Variants in RGS7 observed in about 807,000 individuals in gnomAD.
The protein encoded by RGS7 is regulator of G-protein signaling 7.
RGS7 carries 27 observed loss-of-function variants against 81.1 expected under a neutral mutation model. The observed-to-expected ratio is 0.33, with a 90% CI of 0.25 to 0.46. The LOEUF (loss-of-function observed/expected upper bound fraction) is 0.46. Ranked by LOEUF, RGS7 falls within the 20% of genes least tolerant of loss-of-function variation. The pLI is 1.00. For synonymous variants in RGS7, 208 were observed against 207.7 expected (o/e 1.00, Z -0.01); for missense variants, 396 against 607.4 (o/e 0.65, Z 3.66).
chr1:241,277,184 C>T (rs2078238186), intron 2 of RGS7, among the ~76,000 whole-genome samples: 2 of 152,230 alleles, frequency 1.3e-5, no homozygotes, highest in Admixed American at 1.3e-4. Flanking sequence ...ACATAATTCT[C>T]TTGAAAGACC....
At chr1:241,103,891 A>T (rs2064936302) in intron 2 of RGS7, among the ~76,000 whole-genome samples, 1 of 152,168 alleles carries the variant, frequency 6.6e-6, no homozygotes, top group Non-Finnish European at 1.5e-5. Flanking sequence ...AATAAAATAA[A>T]ATAATCAAAC....
chr1:241,325,264 G>A (rs1220824332), intron 2 of RGS7, among the ~76,000 whole-genome samples: 1 of 152,126 alleles, frequency 6.6e-6, no homozygotes, highest in African/African-American at 2.4e-5. Context: ...TAGATATAAG[G>A]GGGAGGCACT....
At chr1:241,343,909 T>C (rs2082724637) in intron 2 of RGS7, among the ~76,000 whole-genome samples, 1 of 152,164 alleles carries the variant, frequency 6.6e-6, no homozygotes, top group South Asian at 2.1e-4. Context: ...AAAGAAGACT[T>C]CTTTGTGTAA....
chr1:240,825,812 C>A (rs116064610), intron 10 of RGS7, among the ~76,000 whole-genome samples: 2,450 of 152,170 alleles, frequency 0.016, 52 homozygotes, highest in African/African-American at 0.055. Context: ...GAATATGGTG[C>A]CGAAGAGAGA....
intron 6 of RGS7, among the ~76,000 whole-genome samples, chr1:240,876,385 T>G (rs925004924): frequency 6.6e-6 from 1 of 152,152 alleles, no homozygotes; most frequent in African/African-American, 2.4e-5. Context: ...TGCCTTGCCC[T>G]TAGACCCTTG....
At chr1:241,248,057 C>T (rs1573341095) in intron 2 of RGS7, among the ~76,000 whole-genome samples, 1 of 152,120 alleles carries the variant, frequency 6.6e-6, no homozygotes, top group South Asian at 2.1e-4. Flanking sequence ...GAAGGTATAT[C>T]TTTCTCCCTT....
chr1:241,295,463 G>GA (rs147054088), intron 2 of RGS7, among the ~76,000 whole-genome samples: 51,458 of 148,138 alleles, frequency 0.35, 9,382 homozygotes, highest in Non-Finnish European at 0.41. Context: ...AAAAAAAGAA[G>GA]AAAAAAAAAA....
chr1:241,073,177 A>C (rs1380332056), intron 3 of RGS7, among the ~76,000 whole-genome samples: 1 of 152,168 alleles, frequency 6.6e-6, no homozygotes, highest in Non-Finnish European at 1.5e-5. Context: ...TTTATTCCAA[A>C]AAAAACCCCA....
chr1:241,152,199 C>T (rs1039930168), intron 2 of RGS7, among the ~76,000 whole-genome samples: 3 of 150,222 alleles, frequency 2.0e-5, no homozygotes, highest in East Asian at 3.9e-4. Context: ...GGGGGAATAA[C>T]GACCTAAAGA....
Position 240,814,772 on chromosome 1 carries a change from T to G in RGS7, c.789A>C (p.Lys263Asn). 6.3e-7 allele frequency: 1 copy of G among 1,588,466 alleles called. No homozygotes were observed. The highest frequency in any genetic ancestry group is 8.6e-7 in the Non-Finnish European group (1 of 1,157,128). The change falls in exon 12 of 19, where the codon AAA becomes AAC. Residue 263 changes from lysine (K) to asparagine (N), a missense_variant. Coordinates refer to ENST00000440928, the MANE Select transcript of RGS7 (RefSeq NM_001364886.1). Reference sequence around the variant, plus strand: ...GTCTATCTAACTGTATTTGCCAATATTTTATCTGAAAAGAGGGTTAGAGAA... The same window carrying G: ...GTCTATCTAACTGTATTTGCCAATAGTTTATCTGAAAAGAGGGTTAGAGAA... The part of the protein sequence containing the change: ...PTEDELQQQI[K>N]YWQIQLDRHR...
chr1:241,150,681 A>T (rs1332263008), intron 2 of RGS7, among the ~76,000 whole-genome samples: 2 of 152,224 alleles, frequency 1.3e-5, no homozygotes, highest in African/African-American at 4.8e-5. Context: ...AAAGAGACTG[A>T]ATCAATAGAA....
At chr1:241,075,263 T>C (rs2062722343) in intron 3 of RGS7, among the ~76,000 whole-genome samples, 1 of 152,212 alleles carries the variant, frequency 6.6e-6, no homozygotes, top group Non-Finnish European at 1.5e-5. Flanking sequence ...AAGAAAATGT[T>C]AGTTCTATTT....
chr1:241,228,404 G>A (rs1216923922), intron 2 of RGS7, among the ~76,000 whole-genome samples: 1 of 152,000 alleles, frequency 6.6e-6, no homozygotes, highest in South Asian at 2.1e-4. Context: ...AAATCCACTA[G>A]GTTAAAAGGA....
chr1:241,297,958 C>T (rs58179256), intron 2 of RGS7, among the ~76,000 whole-genome samples: 4 of 152,136 alleles, frequency 2.6e-5, no homozygotes, highest in South Asian at 2.1e-4. Flanking sequence ...ACCACTAGAT[C>T]GAAACTAAAT....
intron 2 of RGS7, among the ~76,000 whole-genome samples, chr1:241,177,491 T>C (rs1455907540): frequency 6.6e-6 from 1 of 152,060 alleles, no homozygotes; most frequent in Non-Finnish European, 1.5e-5. Flanking sequence ...TAAATTTGGG[T>C]TTTATTGTAA....
chr1:240,793,606 TATA>T lies in RGS7; in HGVS notation c.*6+7032_*6+7034del, dbSNP rs1396751103. ...GTAGGAATATATATATATATATATA[TATA>T]TATTTTTTTTTTTTTTTTGAGACAG... On this transcript the variant is annotated intron_variant, in intron 18 of 18. Transcript: ENST00000440928. 1.9e-3 allele frequency among the ~76,000 whole-genome samples: 162 copies of T among 87,330 alleles called. 2 individuals carry two copies. Among genetic ancestry groups the T allele is most frequent in the African/African-American group, 3.1e-3 (51 of 16,690 alleles). 57.3% of individuals were successfully genotyped at this position (87,330 alleles called of 152,430 possible).
chr1:241,354,659 AT>A (rs1479526738), intron 2 of RGS7, among the ~76,000 whole-genome samples: 24 of 152,204 alleles, frequency 1.6e-4, no homozygotes, highest in Non-Finnish European at 1.0e-4. Flanking sequence ...ATCTTTATTC[AT>A]AATCAGCTCT....
chr1:241,042,272 T>C (rs2060664416), intron 3 of RGS7, among the ~76,000 whole-genome samples: 1 of 145,420 alleles, frequency 6.9e-6, no homozygotes, highest in South Asian at 2.2e-4. Context: ...AAAGGGATTA[T>C]AATAAAGCTA....
intron 2 of RGS7, among the ~76,000 whole-genome samples, chr1:241,129,436 CACG>C (rs10545108): frequency 0.064 from 9,803 of 152,156 alleles, 949 homozygotes; most frequent in African/African-American, 0.22. Context: ...CCTTCCCAGC[CACG>C]ACATTATCAC....
Sources: gnomAD v4.1 joint callset for allele counts (sites outside exome capture counted in the v4.1 genomes callset) on GRCh38, gnomAD v4.1.1 for gene constraint, MANE v1.5 for transcripts, NCBI Gene and HGNC (gene_info 2026-07-23, HGNC 2026-07-21) for gene names.